CMSS1: variants seen among roughly 807,000 people sequenced by gnomAD.
The protein encoded by CMSS1 is protein CMSS1.
CMSS1 carries 33 observed loss-of-function variants against 43.5 expected under a neutral mutation model. The observed-to-expected ratio is 0.76, with a 90% confidence interval of 0.57 to 1.01. CMSS1 has a LOEUF of 1.01. Among genes scored for constraint, CMSS1 ranks in the 50% least tolerant of loss-of-function variants. The pLI is 0.00. For synonymous variants in CMSS1, 115 were observed against 117.2 expected, an observed-to-expected ratio of 0.98 and a Z score of 0.12; for missense variants, 313 against 326.4, an observed-to-expected ratio of 0.96 and a Z score of 0.32.
chr3:99,865,284 A>C (rs1246235324), intron 1 of CMSS1, among the ~76,000 whole-genome samples: 1 of 152,234 alleles, frequency 6.6e-6, no homozygotes, highest in Non-Finnish European at 1.5e-5. Context: ...TGGCAGAGCC[A>C]GAATGCCAGT....
intron 1 of CMSS1, among the ~76,000 whole-genome samples, chr3:99,997,401 T>A (rs957091224): frequency 1.3e-5 from 2 of 152,178 alleles, no homozygotes; most frequent in African/African-American, 2.4e-5. Context: ...CACAAGTGTA[T>A]TATTGGGAAA....
intron 1 of CMSS1, among the ~76,000 whole-genome samples, chr3:99,927,937 T>C (rs1364328293): frequency 6.6e-6 from 1 of 152,204 alleles, no homozygotes; most frequent in Non-Finnish European, 1.5e-5. Context: ...GAGCTGTTTG[T>C]TCTTCTAAGT....
intron 1 of CMSS1, among the ~76,000 whole-genome samples, chr3:99,867,884 G>A (rs1236469274): frequency 6.6e-6 from 1 of 152,148 alleles, no homozygotes; most frequent in Non-Finnish European, 1.5e-5. Flanking sequence ...CAAGTTGTAA[G>A]TATGCTGTAA....
intron 1 of CMSS1, among the ~76,000 whole-genome samples, chr3:100,121,809 G>C (rs2066624017): frequency 1.3e-5 from 2 of 152,140 alleles, no homozygotes; most frequent in Non-Finnish European, 1.5e-5. Flanking sequence ...ATACATGTTT[G>C]TTGATGAAGG....
At chr3:99,819,929 AT>A (rs1237950278) in intron 1 of CMSS1, among the ~76,000 whole-genome samples, 1 of 151,328 alleles carries the variant, frequency 6.6e-6, no homozygotes, top group Non-Finnish European at 1.5e-5. Flanking sequence ...TAATTTTTGT[AT>A]TTTTAGTAGA....
intron 1 of CMSS1, among the ~76,000 whole-genome samples, chr3:100,000,277 G>T (rs995624513): frequency 6.6e-6 from 1 of 152,082 alleles, no homozygotes; most frequent in Non-Finnish European, 1.5e-5. Context: ...TCATCCAAAG[G>T]GGCCTCCTCT....
chr3:99,905,420 CT>C (rs1268585374), intron 1 of CMSS1, among the ~76,000 whole-genome samples: 2 of 152,184 alleles, frequency 1.3e-5, no homozygotes, highest in Admixed American at 6.5e-5. Flanking sequence ...GACTAATCTT[CT>C]TGTCATCAGG....
chr3:100,099,528 T>C (rs1246643916), intron 1 of CMSS1, among the ~76,000 whole-genome samples: 3 of 152,126 alleles, frequency 2.0e-5, no homozygotes, highest in Non-Finnish European at 4.4e-5. Flanking sequence ...TTTGTATCGG[T>C]CTAATTATGT....
chr3:100,155,815 C>T (rs2066966801), intron 2 of CMSS1, among the ~76,000 whole-genome samples: 1 of 152,168 alleles, frequency 6.6e-6, no homozygotes, highest in Admixed American at 6.5e-5. Context: ...ATTTTGAAAG[C>T]ATCATTCCAT....
rs530846276 is a variant in CMSS1 at position 99,821,753 on chromosome 3, G to A, written c.64+3710G>A. Among the ~76,000 whole-genome samples the A allele has an allele frequency of 4.6e-5, 7 of 152,232 alleles. No individual in the cohort carries two copies. The East Asian group carries it at 1.4e-3, about 29-fold the overall frequency. On this transcript the variant is annotated intron_variant, in intron 1 of 9. Coordinates refer to ENST00000421999, the MANE Select transcript of CMSS1 (RefSeq NM_032359.4). ...TTCGTGACTTAAGGAAGAGAGCCAA[G>A]GGATTCTGCAGTTGAAAATGTCACT...
At chr3:100,122,207 A>T (rs143421318) in intron 1 of CMSS1, among the ~76,000 whole-genome samples, 1 of 152,204 alleles carries the variant, frequency 6.6e-6, no homozygotes, top group Non-Finnish European at 1.5e-5. Context: ...TGCTGTGTAC[A>T]AGTACCCAGA....
chr3:100,107,877 TA>T (rs11322494), intron 1 of CMSS1, among the ~76,000 whole-genome samples: 29,376 of 129,962 alleles, frequency 0.23, 3,248 homozygotes, highest in South Asian at 0.29. Context: ...GCAAGAGAAT[TA>T]AAAAAAAAAA....
chr3:100,011,883 T>C (rs1163218301), intron 1 of CMSS1: 6 of 152,204 alleles, frequency 3.9e-5, no homozygotes, highest in Non-Finnish European at 8.8e-5. Context: ...AGTTTTAGTA[T>C]TATAATATTA....
At chr3:100,060,988 T>G (rs1011539781) in intron 1 of CMSS1, among the ~76,000 whole-genome samples, 7 of 152,200 alleles carry the variant, frequency 4.6e-5, no homozygotes, top group Admixed American at 3.9e-4. Context: ...CACGAGGTGA[T>G]GAGTTGCAGC....
intron 1 of CMSS1, among the ~76,000 whole-genome samples, chr3:100,029,351 T>C (rs1011315017): frequency 1.3e-5 from 2 of 152,100 alleles, no homozygotes; most frequent in African/African-American, 2.4e-5. Flanking sequence ...ATTATGATAA[T>C]TGTTCAATAA....
chr3:99,869,860 T>C (rs928934969), intron 1 of CMSS1, among the ~76,000 whole-genome samples: 1 of 152,214 alleles, frequency 6.6e-6, no homozygotes. Context: ...ACAATAAATC[T>C]GGCAGATTTG....
chr3:100,045,247 A>C (rs2065260706), intron 1 of CMSS1, among the ~76,000 whole-genome samples: 1 of 152,222 alleles, frequency 6.6e-6, no homozygotes. Flanking sequence ...AAGAGGTTGA[A>C]AGGGATGCGT....
chr3:100,126,079 T>A (rs2066659905), intron 1 of CMSS1, among the ~76,000 whole-genome samples: 1 of 152,196 alleles, frequency 6.6e-6, no homozygotes, highest in South Asian at 2.1e-4. Context: ...CTTTGTCTCT[T>A]CCCCTGTAGT....
intron 1 of CMSS1, among the ~76,000 whole-genome samples, chr3:100,084,212 A>G (rs1285143078): frequency 6.6e-6 from 1 of 152,182 alleles, no homozygotes; most frequent in African/African-American, 2.4e-5. Context: ...TTTCATGTAC[A>G]TGTTTAAATA....
Sources: allele counts gnomAD v4.1 joint callset (sites outside exome capture counted in the v4.1 genomes callset), GRCh38; gene constraint gnomAD v4.1.1; transcripts MANE v1.5; gene names NCBI Gene and HGNC (gene_info 2026-07-23, HGNC 2026-07-21).